CEP85L: variants seen among roughly 807,000 people sequenced by gnomAD.
CEP85L encodes the protein centrosomal protein of 85 kDa-like.
CEP85L carries 60 observed loss-of-function variants against 100.3 expected under a neutral mutation model. The ratio of observed to expected loss-of-function variants is 0.60; its 90% CI spans 0.49 to 0.74. The LOEUF is 0.74. CEP85L is among the 30% of genes least tolerant of loss of function. The probability of loss-of-function intolerance (pLI) is 0.00; values close to 1 mark genes in which losing one functional copy is unlikely to be tolerated. For synonymous variants in CEP85L, 319 were observed against 322.7 expected (o/e 0.99, Z 0.12); for missense variants, 973 against 936.2 (o/e 1.04, Z -0.51).
At chr6:118,667,204 G>A (rs1343492457) in intron 1 of CEP85L, among the ~76,000 whole-genome samples, 2 of 152,138 alleles carry the variant, frequency 1.3e-5, no homozygotes, top group Non-Finnish European at 1.5e-5. Context: ...TCTAGATTTC[G>A]TGGCCCAGTT....
intron 2 of CEP85L, among the ~76,000 whole-genome samples, chr6:118,609,645 C>T (rs1343564885): frequency 6.6e-6 from 1 of 151,876 alleles, no homozygotes; most frequent in East Asian, 1.9e-4. Flanking sequence ...CACCAATGAA[C>T]AATATGGGAC....
At chr6:118,577,892 T>C (rs992851099) in intron 2 of CEP85L, among the ~76,000 whole-genome samples, 2 of 152,350 alleles carry the variant, frequency 1.3e-5, no homozygotes, top group East Asian at 3.9e-4. Flanking sequence ...TGTAGGTTGC[T>C]GCATCATACC....
At chr6:118,572,106 T>C (rs1382189109) in intron 2 of CEP85L, among the ~76,000 whole-genome samples, 2 of 152,090 alleles carry the variant, frequency 1.3e-5, no homozygotes, top group South Asian at 2.1e-4. Flanking sequence ...TCTGCCCGCC[T>C]TGCCCTCCCA....
intron 7 of CEP85L, 81 bp from the exon 8 acceptor site, chr6:118,482,014 G>T: frequency 2.8e-6 from 2 of 714,794 alleles, no homozygotes; most frequent in Non-Finnish European, 3.9e-6. Flanking sequence ...TGTTGGCAAG[G>T]ATTAACAGAC....
At chr6:118,512,994 T>G (rs374249473) in intron 4 of CEP85L, among the ~76,000 whole-genome samples, 8 of 152,300 alleles carry the variant, frequency 5.3e-5, no homozygotes, top group African/African-American at 1.9e-4. Context: ...ACTATTCATA[T>G]GCTTAAGTTA....
chr6:118,502,333 A>C, intron 5 of CEP85L: 1 of 515,972 alleles, frequency 1.9e-6, no homozygotes, highest in South Asian at 2.0e-5. Flanking sequence ...TTCAGCAACC[A>C]TGAGTTTCTG....
In CEP85L at chr6:118,625,089, T is replaced by C. The variant is rs543855297; in HGVS notation, c.232+7364A>G. Among the ~76,000 whole-genome samples, 49 of 152,336 alleles carry C rather than the reference T, an allele frequency of 3.2e-4. No homozygotes were observed. The East Asian group carries it at 7.7e-3, about 24-fold the overall frequency. ...TCAGTCCTAAACACCACCGGGATAATTGGCTCCCCAGTCACCAATCTGCCA... is the reference window on the plus strand; with the variant it reads ...TCAGTCCTAAACACCACCGGGATAACTGGCTCCCCAGTCACCAATCTGCCA... On this transcript the variant is annotated intron_variant, in intron 2 of 12. Coordinates refer to ENST00000368491, the MANE Select transcript of CEP85L (RefSeq NM_001042475.3).
intron 1 of CEP85L, among the ~76,000 whole-genome samples, chr6:118,699,729 T>A (rs1255100825): frequency 6.6e-6 from 1 of 152,138 alleles, no homozygotes; most frequent in Non-Finnish European, 1.5e-5. Flanking sequence ...TCTCACTCTG[T>A]CATGCAGGCT....
intron 1 of CEP85L, among the ~76,000 whole-genome samples, chr6:118,696,550 A>T (rs2114338485): frequency 6.6e-6 from 1 of 152,358 alleles, no homozygotes; most frequent in Non-Finnish European, 1.5e-5. Context: ...CATACTCTGC[A>T]TCCAAGTTGC....
intron 10 of CEP85L, among the ~76,000 whole-genome samples, chr6:118,476,909 T>C (rs1773423403): frequency 6.6e-6 from 1 of 152,162 alleles, no homozygotes; most frequent in Non-Finnish European, 1.5e-5. Context: ...AAACTCTATG[T>C]CCTCTGCCAA....
Position 118,632,507 on chromosome 6 carries a change from C to T in CEP85L, c.178G>A (p.Ala60Thr), listed in dbSNP as rs1015159563. 1 of 1,612,930 alleles carries T rather than the reference C, an allele frequency of 6.2e-7. No individual in the cohort carries two copies. ...ATGCCAGTGTCTCCACTGTCAGAAG[C>T]TATACTGTGTCTCCTGATATGGTTA... ...RNNHIRRHSI[A>T]SDSGDTGIGT... is the part of the protein sequence containing the mutation. Residue 60 changes from alanine to threonine, a missense_variant, in exon 2 of 13, where the codon GCT (alanine) becomes ACT (threonine). By Grantham distance (58) the Ala-to-Thr change is moderately conservative. Transcript: ENST00000368491.
At chr6:118,501,077 T>C (rs563330506) in intron 5 of CEP85L, among the ~76,000 whole-genome samples, 2 of 152,364 alleles carry the variant, frequency 1.3e-5, no homozygotes, top group South Asian at 2.1e-4. Flanking sequence ...TTTGTCATGA[T>C]TGTTTTTGTC....
At chr6:118,538,579 T>C (rs1777733373) in intron 3 of CEP85L, among the ~76,000 whole-genome samples, 2 of 152,150 alleles carry the variant, frequency 1.3e-5, no homozygotes, top group African/African-American at 4.8e-5. Context: ...GTTAGTATTA[T>C]CATGTCTTTA....
chr6:118,556,174 G>A (rs1243025204), intron 3 of CEP85L, among the ~76,000 whole-genome samples: 1 of 152,170 alleles, frequency 6.6e-6, no homozygotes, highest in Non-Finnish European at 1.5e-5. Context: ...CCAGTAATGG[G>A]ATTGTTGGGT....
chr6:118,698,411 G>C (rs1215678650), intron 1 of CEP85L, among the ~76,000 whole-genome samples: 1 of 152,166 alleles, frequency 6.6e-6, no homozygotes, highest in African/African-American at 2.4e-5. Context: ...GAGATGACCA[G>C]GTTCCTTTAG....
chr6:118,641,668 A>C (rs954434236), intron 1 of CEP85L, among the ~76,000 whole-genome samples: 7 of 152,154 alleles, frequency 4.6e-5, no homozygotes, highest in African/African-American at 1.4e-4. Context: ...AGTTTTACTT[A>C]AACTAGCCCT....
chr6:118,615,876 G>A (rs979132803), intron 2 of CEP85L, among the ~76,000 whole-genome samples: 42 of 152,176 alleles, frequency 2.8e-4, no homozygotes, highest in African/African-American at 9.9e-4. Flanking sequence ...GTGATAGAAC[G>A]ACTATAAATT....
chr6:118,589,160 T>C (rs926301884), intron 2 of CEP85L: 4 of 265,898 alleles, frequency 1.5e-5, no homozygotes, highest in Admixed American at 3.9e-5. Flanking sequence ...TATTGCCAGA[T>C]ACTTATCTAA....
At chr6:118,521,545 C>T (rs1366359648) in intron 4 of CEP85L, among the ~76,000 whole-genome samples, 8 of 152,166 alleles carry the variant, frequency 5.3e-5, no homozygotes, top group Non-Finnish European at 8.8e-5. Context: ...CTCCTGTCAA[C>T]GTGATTTTGC....
Sources: gnomAD v4.1 joint callset for allele counts (sites outside exome capture counted in the v4.1 genomes callset) on GRCh38, gnomAD v4.1.1 for gene constraint, MANE v1.5 for transcripts, NCBI Gene and HGNC (gene_info 2026-07-23, HGNC 2026-07-21) for gene names.